Variants in STX8 observed in about 807,000 individuals in gnomAD.
STX8 encodes the protein syntaxin-8.
Under a neutral mutation model 37.5 loss-of-function variants are expected in STX8, and 23 were observed. That is an observed-to-expected ratio of 0.61 (90% CI 0.44 to 0.87). STX8 has a LOEUF of 0.87. Among genes scored for constraint, STX8 ranks in the 40% least tolerant of loss-of-function variants. The pLI is 0.00. For synonymous variants in STX8, 115 were observed against 99.1 expected (o/e 1.16, Z -0.95); for missense variants, 313 against 284.7 (o/e 1.10, Z -0.71).
chr17:9,463,619 A>G (rs1905484466), intron 6 of STX8, among the ~76,000 whole-genome samples: 1 of 152,096 alleles, frequency 6.6e-6, no homozygotes, highest in Admixed American at 6.5e-5. Context: ...TAAAAATACA[A>G]AATTTAGGCC....
intron 7 of STX8, among the ~76,000 whole-genome samples, chr17:9,312,867 C>CT (rs1909241800): frequency 1.3e-5 from 2 of 152,012 alleles, no homozygotes; most frequent in African/African-American, 4.8e-5. Flanking sequence ...ATCTTGCGTC[C>CT]CCAGGCATCC....
chr17:9,289,715 G>A (rs1234756424), intron 7 of STX8, among the ~76,000 whole-genome samples: 1 of 151,884 alleles, frequency 6.6e-6, no homozygotes, highest in African/African-American at 2.4e-5. Flanking sequence ...GGGAGGTGGA[G>A]CTTGCAGTGA....
chr17:9,354,318 C>CTTTTTTTT (rs35460018), intron 7 of STX8, among the ~76,000 whole-genome samples: 1 of 119,750 alleles, frequency 8.4e-6, no homozygotes, highest in African/African-American at 3.2e-5. Context: ...AATTGTCTCA[C>CTTTTTTTT]TTTTTTTTTT....
intron 6 of STX8, among the ~76,000 whole-genome samples, chr17:9,423,752 G>A (rs146903205): frequency 6.6e-6 from 1 of 152,176 alleles, no homozygotes; most frequent in Admixed American, 6.6e-5. Flanking sequence ...ATCCTCCAAA[G>A]ATAAAAGAAA....
intron 7 of STX8, among the ~76,000 whole-genome samples, chr17:9,376,564 C>G (rs147705610): frequency 6.6e-6 from 1 of 152,200 alleles, no homozygotes; most frequent in Non-Finnish European, 1.5e-5. Context: ...CTGACCCGCT[C>G]GGGTCCCCTT....
At chr17:9,510,047 A>G (rs1345031235) in intron 4 of STX8, among the ~76,000 whole-genome samples, 4 of 152,196 alleles carry the variant, frequency 2.6e-5, no homozygotes, top group Non-Finnish European at 2.9e-5. Context: ...AGGACATTAC[A>G]TAATAATAAA....
chr17:9,518,194 C>A (rs1042542837), intron 4 of STX8, among the ~76,000 whole-genome samples: 1 of 152,056 alleles, frequency 6.6e-6, no homozygotes, highest in African/African-American at 2.4e-5. Context: ...ACTTCCTGAC[C>A]CCCGTTCACT....
At chr17:9,271,798 T>C (rs1211710243) in intron 7 of STX8, among the ~76,000 whole-genome samples, 1 of 150,586 alleles carries the variant, frequency 6.6e-6, no homozygotes, top group Non-Finnish European at 1.5e-5. Context: ...TCAAGGGTCC[T>C]ACCTAGAAAC....
In STX8 at chr17:9,360,047, C is replaced by T. The variant is rs573454723; in HGVS notation, c.643+18505G>A. On this transcript the variant is annotated intron_variant, in intron 7 of 7. Coordinates refer to ENST00000306357, the MANE Select transcript of STX8 (RefSeq NM_004853.3). ...GGGCCATTTTTTGAGGTATTGTTTC[C>T]TGAGCCTGACATACGGAACAGGATG... Among the ~76,000 whole-genome samples, 4 of 151,950 alleles carry T rather than the reference C, an allele frequency of 2.6e-5. No individual in the cohort carries two copies. The East Asian group carries it at 7.8e-4, about 30-fold the overall frequency.
At chr17:9,387,903 A>G (rs1229979234) in intron 6 of STX8, among the ~76,000 whole-genome samples, 1 of 152,166 alleles carries the variant, frequency 6.6e-6, no homozygotes, top group African/African-American at 2.4e-5. Flanking sequence ...ATAAATATTC[A>G]TAATATGACT....
intron 7 of STX8, among the ~76,000 whole-genome samples, chr17:9,276,108 C>T (rs1269982025): frequency 1.3e-5 from 2 of 152,054 alleles, no homozygotes; most frequent in African/African-American, 4.8e-5. Flanking sequence ...ACCCCCTGAT[C>T]CCACCCATCA....
At chr17:9,446,614 G>A (rs2050452051) in intron 6 of STX8, among the ~76,000 whole-genome samples, 1 of 152,210 alleles carries the variant, frequency 6.6e-6, no homozygotes, top group South Asian at 2.1e-4. Context: ...TAAATAAGTA[G>A]TAGTTAATGA....
chr17:9,536,234 G>A (rs996264408), intron 4 of STX8, among the ~76,000 whole-genome samples: 4 of 152,148 alleles, frequency 2.6e-5, no homozygotes, highest in African/African-American at 7.2e-5. Context: ...TGTTATGCTT[G>A]GAGTGTGGCT....
At chr17:9,417,878 C>G (rs7216661) in intron 6 of STX8, among the ~76,000 whole-genome samples, 151,629 of 152,326 alleles carry the variant, frequency 1, 75,474 homozygotes, top group East Asian at 1. Context: ...GTTGCATGCT[C>G]ACTCCACGGG....
chr17:9,273,767 C>T (rs1196034816), intron 7 of STX8, among the ~76,000 whole-genome samples: 1 of 152,242 alleles, frequency 6.6e-6, no homozygotes, highest in Non-Finnish European at 1.5e-5. Context: ...GCCTTTCTGC[C>T]TTGGCGATTT....
chr17:9,381,923 C>T (rs150795505), intron 6 of STX8, among the ~76,000 whole-genome samples: 5 of 152,194 alleles, frequency 3.3e-5, no homozygotes, highest in African/African-American at 9.6e-5. Flanking sequence ...GAGGTGAGAT[C>T]GCATCACTGT....
chr17:9,406,698 T>G (rs1032209094), intron 6 of STX8, among the ~76,000 whole-genome samples: 2 of 152,238 alleles, frequency 1.3e-5, no homozygotes, highest in African/African-American at 2.4e-5. Flanking sequence ...ATTTTTAGCA[T>G]TTTTACGTAG....
intron 7 of STX8, among the ~76,000 whole-genome samples, chr17:9,310,196 T>C (rs981492824): frequency 6.6e-6 from 1 of 152,160 alleles, no homozygotes; most frequent in African/African-American, 2.4e-5. Flanking sequence ...GGCACCCTGA[T>C]AACCAAAATC....
At chr17:9,559,660 A>T (rs1907124868) in intron 2 of STX8, among the ~76,000 whole-genome samples, 2 of 147,536 alleles carry the variant, frequency 1.4e-5, no homozygotes, top group Admixed American at 6.8e-5. Context: ...GAAAGATGAG[A>T]TTATTATTAT....
Sources: allele counts gnomAD v4.1 joint callset (sites outside exome capture counted in the v4.1 genomes callset), GRCh38; gene constraint gnomAD v4.1.1; transcripts MANE v1.5; gene names NCBI Gene and HGNC (gene_info 2026-07-23, HGNC 2026-07-21).